The following PAM variants were observed in gnomAD, a reference collection of about 807,000 sequenced individuals.
PAM encodes the protein peptidyl-glycine alpha-amidating monooxygenase.
Under a neutral mutation model 122.1 loss-of-function variants are expected in PAM, and 72 were observed. The observed-to-expected ratio is 0.59, with a 90% CI of 0.49 to 0.72. PAM has a LOEUF of 0.72. PAM is among the 30% of genes least tolerant of loss of function. The pLI is 0.00. For missense variants in PAM, 1,106 were observed against 1,183.7 expected (o/e 0.93, Z 0.96); for synonymous variants, 389 against 404.4 (o/e 0.96, Z 0.46).
intron 1 of PAM, among the ~76,000 whole-genome samples, chr5:102,789,722 G>C (rs1205020355): frequency 6.6e-6 from 1 of 152,036 alleles, no homozygotes; most frequent in Non-Finnish European, 1.5e-5. Context: ...GGTGGTAATG[G>C]TTGTGCAACA....
At chr5:102,990,423 A>T (rs763310028) in intron 16 of PAM, 22 bp downstream of exon 16, 1 of 1,550,258 alleles carries the variant, frequency 6.5e-7, no homozygotes, top group East Asian at 2.3e-5. Flanking sequence ...TTTTTCTTCA[A>T]TAAGCAAATG....
At chr5:102,888,408 A>G (rs1793798466) in intron 3 of PAM, among the ~76,000 whole-genome samples, 1 of 151,978 alleles carries the variant, frequency 6.6e-6, no homozygotes, top group South Asian at 2.1e-4. Context: ...CAGCATGACT[A>G]ACATCACATT....
At chr5:102,939,381 A>T (rs900825452) in intron 7 of PAM, among the ~76,000 whole-genome samples, 5 of 152,038 alleles carry the variant, frequency 3.3e-5, no homozygotes, top group African/African-American at 1.2e-4. Flanking sequence ...TTTCTTTGCA[A>T]GTACGTCTTA....
At chr5:103,018,484 G>A (rs576167752) in intron 22 of PAM, among the ~76,000 whole-genome samples, 1 of 152,208 alleles carries the variant, frequency 6.6e-6, no homozygotes, top group East Asian at 1.9e-4. Flanking sequence ...AACCAAGTTA[G>A]GGTTGAGTGA....
intron 1 of PAM, among the ~76,000 whole-genome samples, chr5:102,850,091 T>A (rs1561626193): frequency 6.6e-6 from 1 of 152,256 alleles, no homozygotes; most frequent in Non-Finnish European, 1.5e-5. Flanking sequence ...CATGTATTTC[T>A]TTATGTTATT....
chr5:102,986,844 G>C (rs1771991975), intron 15 of PAM, among the ~76,000 whole-genome samples: 1 of 152,026 alleles, frequency 6.6e-6, no homozygotes, highest in African/African-American at 2.4e-5. Context: ...CCTTTTGCTT[G>C]GCTTGCATTC....
Position 102,765,400 on chromosome 5 carries a change from G to A in PAM, c.-374+10052G>A, listed in dbSNP as rs186336711. ...TACAAAGTGTTTTAAGCAAATGTAC[G>A]ACATTATTTTTAATATTTTAGGTGG... On this transcript the variant is annotated intron_variant, in intron 1 of 25. Coordinates refer to ENST00000438793, the MANE Select transcript of PAM (RefSeq NM_001177306.2). 1.4e-3 allele frequency among the ~76,000 whole-genome samples: 211 copies of A among 152,218 alleles called. 1 individual carries two copies. Among genetic ancestry groups the A allele is most frequent in the Non-Finnish European group, 5.3e-4 (36 of 68,000 alleles).
chr5:103,028,171 T>C lies in PAM; in HGVS notation c.2690-14T>C, dbSNP rs540608251. ...CTGGGACTCATTTTGAAATGTGCCA[T>C]CTTTTTTTAGCAGATTCTGAACACA... On this transcript the variant is annotated splice_polypyrimidine_tract_variant and intron_variant, in intron 24 of 25. Coordinates refer to ENST00000438793, the MANE Select transcript of PAM (RefSeq NM_001177306.2). 5.4e-5 allele frequency: 87 copies of C among 1,609,374 alleles called. No homozygotes were observed. Among genetic ancestry groups the C allele is most frequent in the Non-Finnish European group, 6.7e-5 (79 of 1,176,122 alleles).
At chr5:102,907,620 C>T (rs1799973588) in intron 4 of PAM, among the ~76,000 whole-genome samples, 1 of 150,400 alleles carries the variant, frequency 6.6e-6, no homozygotes, top group Non-Finnish European at 1.5e-5. Context: ...TCTCCACATC[C>T]TCTCCAGCAC....
chr5:102,825,525 TAG>T (rs1280145006), intron 1 of PAM, among the ~76,000 whole-genome samples: 4 of 152,266 alleles, frequency 2.6e-5, no homozygotes, highest in South Asian at 2.1e-4. Context: ...ACATTTAATA[TAG>T]AGTCATGAGA....
rs755915818 is a variant in PAM at position 102,950,745 on chromosome 5, A to G, written c.830A>G (p.Asp277Gly). ...QAFYPVGHPVDVSFGDLLAAR... is the reference protein window; with the variant it reads ...QAFYPVGHPVGVSFGDLLAAR... ...TTCTACCCTGTGGGGCATCCAGTTG[A>G]TGTAAGTTTTGGTGACCTACTGGCT... Residue 277 changes from aspartate (D) to glycine (G), a missense_variant, in exon 12 of 26, where the codon GAT becomes GGT. Asp to Gly is a moderately conservative substitution (Grantham distance 94). Transcript: ENST00000438793. 2.0e-5 allele frequency: 33 copies of G among 1,610,860 alleles called. No individual in the cohort carries two copies. The South Asian group carries it at 3.5e-4, about 17-fold the overall frequency.
At chr5:103,003,472 G>T (rs80119111) in intron 17 of PAM, among the ~76,000 whole-genome samples, 46 of 152,190 alleles carry the variant, frequency 3.0e-4, no homozygotes, top group African/African-American at 1.1e-3. Flanking sequence ...CCTCAAAAAT[G>T]TTAGGTATTT....
chr5:102,900,254 T>TGTGGGGGGG (rs777616737), intron 3 of PAM, among the ~76,000 whole-genome samples: 1 of 26,976 alleles, frequency 3.7e-5, no homozygotes, highest in African/African-American at 1.7e-4. Flanking sequence ...TGTGTGTGTG[T>TGTGGGGGGG]GGGGGGGGGG....
intron 5 of PAM, among the ~76,000 whole-genome samples, chr5:102,917,980 C>T (rs1028090908): frequency 6.6e-6 from 1 of 152,142 alleles, no homozygotes; most frequent in Non-Finnish European, 1.5e-5. Flanking sequence ...CTCACATTGG[C>T]AATGTGTCTA....
intron 22 of PAM, 151 bp downstream of exon 22, chr5:103,017,584 C>T (rs1032955562): frequency 1.4e-5 from 8 of 581,486 alleles, no homozygotes; most frequent in Non-Finnish European, 2.4e-5. Flanking sequence ...TATTTGGTGT[C>T]CATTAAGTGG....
At chr5:102,968,724 T>C in intron 14 of PAM, among the ~76,000 whole-genome samples, 1 of 151,880 alleles carries the variant, frequency 6.6e-6, no homozygotes, top group African/African-American at 2.4e-5. Flanking sequence ...AGAATAGAAA[T>C]AGAAAATACC....
At chr5:102,807,147 T>A (rs1454546982) in intron 1 of PAM, among the ~76,000 whole-genome samples, 1 of 152,188 alleles carries the variant, frequency 6.6e-6, no homozygotes, top group Non-Finnish European at 1.5e-5. Context: ...AAATTAGACC[T>A]CAGTATTGTT....
At chr5:102,908,735 TAATA>T (rs1581589713) in intron 4 of PAM, among the ~76,000 whole-genome samples, 1 of 149,800 alleles carries the variant, frequency 6.7e-6, no homozygotes, top group African/African-American at 2.5e-5. Flanking sequence ...GAAAAAAAAA[TAATA>T]AATAAATAAA....
intron 7 of PAM, among the ~76,000 whole-genome samples, chr5:102,945,764 C>A (rs1334483187): frequency 6.8e-6 from 1 of 148,148 alleles, no homozygotes; most frequent in African/African-American, 2.5e-5. Context: ...CTGTACAGTT[C>A]TTAACTGTCT....
Sources: gnomAD v4.1 joint callset for allele counts (sites outside exome capture counted in the v4.1 genomes callset) on GRCh38, gnomAD v4.1.1 for gene constraint, MANE v1.5 for transcripts, NCBI Gene and HGNC (gene_info 2026-07-23, HGNC 2026-07-21) for gene names.